Variants in TRERF1 observed in about 807,000 individuals in gnomAD.
TRERF1 encodes the protein transcriptional regulating factor 1.
Under a neutral mutation model 122.9 loss-of-function variants are expected in TRERF1, and 27 were observed. The observed-to-expected ratio is 0.22, with a 90% CI of 0.16 to 0.30. The LOEUF is 0.30. TRERF1 is among the 10% of genes least tolerant of loss of function. TRERF1 has a pLI of 1.00. For missense variants in TRERF1, 1,248 were observed against 1,560.3 expected (o/e 0.80, Z 3.37); for synonymous variants, 636 against 641.7 (o/e 0.99, Z 0.13).
At chr6:42,301,984 G>T (rs1260500640) in intron 3 of TRERF1, among the ~76,000 whole-genome samples, 2 of 152,184 alleles carry the variant, frequency 1.3e-5, no homozygotes, top group Non-Finnish European at 2.9e-5. Context: ...ATGCTGTTTG[G>T]AGATAGGTGG....
intron 3 of TRERF1, among the ~76,000 whole-genome samples, chr6:42,308,425 T>C (rs1787662397): frequency 6.6e-6 from 1 of 152,184 alleles, no homozygotes; most frequent in Non-Finnish European, 1.5e-5. Flanking sequence ...GGCCAAGGCA[T>C]GGAAGCAGAA....
intron 2 of TRERF1, among the ~76,000 whole-genome samples, chr6:42,391,528 A>G (rs1164784886): frequency 2.0e-5 from 3 of 152,156 alleles, no homozygotes; most frequent in Non-Finnish European, 2.9e-5. Flanking sequence ...TCTGGTGAAC[A>G]GTCTCAGCAG....
intron 4 of TRERF1, among the ~76,000 whole-genome samples, chr6:42,300,049 C>T (rs936935445): frequency 6.6e-5 from 10 of 152,216 alleles, no homozygotes; most frequent in East Asian, 3.8e-4. Flanking sequence ...AAAAGAAAGA[C>T]GGAGTCATGA....
chr6:42,359,786 C>A (rs1771359409), intron 3 of TRERF1, among the ~76,000 whole-genome samples: 1 of 152,124 alleles, frequency 6.6e-6, no homozygotes, highest in East Asian at 1.9e-4. Context: ...GTCATGAGGT[C>A]ATGACAGGCC....
intron 8 of TRERF1, among the ~76,000 whole-genome samples, chr6:42,260,921 G>C (rs1777723300): frequency 6.6e-6 from 1 of 152,120 alleles, no homozygotes; most frequent in South Asian, 2.1e-4. Context: ...TGCCATCCTG[G>C]CCTCTAGGAG....
chr6:42,245,211 G>A (rs1774547275), intron 14 of TRERF1, among the ~76,000 whole-genome samples: 1 of 152,242 alleles, frequency 6.6e-6, no homozygotes, highest in African/African-American at 2.4e-5. Context: ...CTGGAGGGGA[G>A]GGTGACTCTA....
At chr6:42,251,619 CAT>C (rs1396148703) in intron 13 of TRERF1, among the ~76,000 whole-genome samples, 1 of 152,108 alleles carries the variant, frequency 6.6e-6, no homozygotes, top group Non-Finnish European at 1.5e-5. Flanking sequence ...TGTCTAGAGA[CAT>C]AGGCTAAGGA....
chr6:42,261,217 G>T (rs1006508161), intron 8 of TRERF1, among the ~76,000 whole-genome samples: 1 of 152,170 alleles, frequency 6.6e-6, no homozygotes, highest in Non-Finnish European at 1.5e-5. Flanking sequence ...CTCTGTTCCC[G>T]GGTAACAGAT....
At chr6:42,262,552 A>AG (rs1778324387) in intron 8 of TRERF1, among the ~76,000 whole-genome samples, 1 of 119,562 alleles carries the variant, frequency 8.4e-6, no homozygotes. Context: ...AGAGAGAGAG[A>AG]GAGAGAGAGA....
At chr6:42,247,533 A>C (rs1447435071) in intron 13 of TRERF1, among the ~76,000 whole-genome samples, 2 of 152,234 alleles carry the variant, frequency 1.3e-5, no homozygotes, top group Non-Finnish European at 2.9e-5. Flanking sequence ...CAGCAGAAGC[A>C]GATGAGGCTG....
At position 42,335,586 on chromosome 6, in the gene TRERF1, A is replaced by T. The variant is rs192777930; in HGVS notation, c.-371+27411T>A. On this transcript the variant is annotated intron_variant, in intron 3 of 17. Coordinates refer to ENST00000372922, the Ensembl canonical transcript of TRERF1. ...GCTTCCACATGGTTCTGGATTAGTCAACATGAGTGCGGATGGGGCGTGCCA... is the reference window on the plus strand; with the variant it reads ...GCTTCCACATGGTTCTGGATTAGTCTACATGAGTGCGGATGGGGCGTGCCA... 1.1e-4 allele frequency among the ~76,000 whole-genome samples: 16 copies of T among 152,322 alleles called. No homozygotes were observed. The East Asian group carries it at 2.9e-3, about 28-fold the overall frequency.
At chr6:42,299,739 T>C (rs1244048179) in intron 4 of TRERF1, among the ~76,000 whole-genome samples, 1 of 152,178 alleles carries the variant, frequency 6.6e-6, no homozygotes, top group African/African-American at 2.4e-5. Context: ...CCCACGGAAG[T>C]AGTTCAATGC....
chr6:42,273,851 G>A (rs569067262), intron 4 of TRERF1, among the ~76,000 whole-genome samples: 5 of 152,260 alleles, frequency 3.3e-5, no homozygotes, highest in East Asian at 1.9e-4. Context: ...AAACTCACCC[G>A]ACTTTGAGCA....
At chr6:42,348,879 T>A (rs1768851344) in intron 3 of TRERF1, among the ~76,000 whole-genome samples, 1 of 152,134 alleles carries the variant, frequency 6.6e-6, no homozygotes, top group African/African-American at 2.4e-5. Context: ...GAAGGCAGGA[T>A]ACAGTGAAAA....
intron 2 of TRERF1, among the ~76,000 whole-genome samples, chr6:42,410,373 T>C (rs1452840814): frequency 6.6e-6 from 1 of 152,112 alleles, no homozygotes; most frequent in Non-Finnish European, 1.5e-5. Flanking sequence ...AGTCTAGAAC[T>C]CCTGGGCTCA....
chr6:42,322,763 C>T (rs1368333455), intron 3 of TRERF1, among the ~76,000 whole-genome samples: 2 of 152,148 alleles, frequency 1.3e-5, no homozygotes, highest in Non-Finnish European at 2.9e-5. Flanking sequence ...AGGACTGGAG[C>T]TGTAGCTGTA....
At chr6:42,403,414 C>T (rs778373715) in intron 2 of TRERF1, among the ~76,000 whole-genome samples, 2 of 152,066 alleles carry the variant, frequency 1.3e-5, no homozygotes, top group African/African-American at 2.4e-5. Context: ...CACACACTCA[C>T]GGAGAATGCC....
chr6:42,265,757 T>C, exon 6 of TRERF1: 1 of 1,613,266 alleles, frequency 6.2e-7, no homozygotes, highest in Non-Finnish European at 8.5e-7. Flanking sequence ...CTACCTTGAC[T>C]CAGGGGACCC....
In TRERF1 at chr6:42,232,946, G is replaced by A. The variant is rs1265102948; in HGVS notation, c.3067-54C>T. The A allele has an allele frequency of 2.0e-6, 3 of 1,509,216 alleles. No homozygotes were observed. Among genetic ancestry groups the A allele is most frequent in the East Asian group, 2.4e-5 (1 of 40,910 alleles). 93.5% of individuals were successfully genotyped at this position (1,509,216 alleles called of 1,614,324 possible). Reference sequence around the variant, plus strand: ...CTACAGTCCTGAAAAGGAAATTAGGGTTATTAGTTACTCAGTGGTAAACAT... The same window carrying A: ...CTACAGTCCTGAAAAGGAAATTAGGATTATTAGTTACTCAGTGGTAAACAT... On this transcript the variant is annotated intron_variant, in intron 16 of 17. Transcript: ENST00000372922. The surrounding 1 kb of genome is among the most constrained non-coding windows in gnomAD (Gnocchi z 4.5).
Sources: gnomAD v4.1 joint callset for allele counts (sites outside exome capture counted in the v4.1 genomes callset) on GRCh38, gnomAD v4.1.1 for gene constraint, Gnocchi (gnomAD v3.1) non-coding constraint, MANE v1.5 for transcripts, NCBI Gene and HGNC (gene_info 2026-07-23, HGNC 2026-07-21) for gene names.